Variants in KCTD6 observed in about 807,000 individuals in gnomAD.
KCTD6 encodes the protein BTB/POZ domain-containing protein KCTD6.
In KCTD6, 6 loss-of-function variants were observed where a neutral mutation model predicts 18.7. That is an observed-to-expected ratio of 0.32 (90% CI 0.18 to 0.63). The LOEUF (loss-of-function observed/expected upper bound fraction) is 0.63, where lower values mean the gene tolerates loss of function less well. KCTD6 is among the 30% of genes least tolerant of loss of function. KCTD6 has a pLI of 0.79. For missense variants in KCTD6, 165 were observed against 300.2 expected (o/e 0.55, Z 3.33); for synonymous variants, 86 against 108.5 (o/e 0.79, Z 1.29).
Position 58,501,370 on chromosome 3 carries a change from C to G in KCTD6, c.452C>G (p.Ser151Cys), listed in dbSNP as rs2063204033. ...TQLTITTKVHSLLEGISNYFT... is the reference protein window; with the variant it reads ...TQLTITTKVHCLLEGISNYFT... ...CTAACCATCACCACTAAGGTCCATT[C>G]CTTACTAGAAGGCATCTCAAATTAT... Residue 151 changes from serine to cysteine, a missense_variant, in exon 3 of 3, where the codon TCC (serine) becomes TGC (cysteine). Around this residue, in one of 2 missense-constraint regions of KCTD6, gnomAD observed 106 missense variants for 230.4 expected, o/e 0.46. Coordinates refer to ENST00000404589, the MANE Select transcript of KCTD6 (RefSeq NM_001128214.2). The surrounding 1 kb of genome is among the most constrained non-coding windows in gnomAD (Gnocchi z 9.7). 1.9e-6 allele frequency: 3 copies of G among 1,593,576 alleles called. No individual in the cohort carries two copies. The highest frequency in any genetic ancestry group is 4.5e-5 in the East Asian group (2 of 44,738).
rs1333911948 is a variant in KCTD6, at chr3:58,496,804, C to T, written c.-43-1909C>T. 6.6e-6 allele frequency among the ~76,000 whole-genome samples: 1 copy of T among 152,190 alleles called. No individual in the cohort carries two copies. The highest frequency in any genetic ancestry group is 6.5e-5 in the Admixed American group (1 of 15,288). On this transcript the variant is annotated intron_variant, in intron 1 of 2. Transcript: ENST00000404589. The surrounding 1 kb of genome is among the most constrained non-coding windows in gnomAD (Gnocchi z 5.1). ...TGTCCGCATTGCACATAGGCACCCCCTCCACTCCATAGGTGACCCACAATA... is the reference window on the plus strand; with the variant it reads ...TGTCCGCATTGCACATAGGCACCCCTTCCACTCCATAGGTGACCCACAATA...
In KCTD6 at chr3:58,496,172, TGTTTA is replaced by T. The variant is rs1327924935; in HGVS notation, c.-43-2537_-43-2533del. Reference sequence around the variant, plus strand: ...AGAATTTTTACAAACCCATTATGACTGTTTAGTTAGGCTGAGTTACTGTAAAATTT... The same window carrying T: ...AGAATTTTTACAAACCCATTATGACTGTTAGGCTGAGTTACTGTAAAATTT... On this transcript the variant is annotated intron_variant, in intron 1 of 2. Coordinates refer to ENST00000404589, the MANE Select transcript of KCTD6 (RefSeq NM_001128214.2). This position sits in a 1 kb window ranked among gnomAD's most constrained non-coding sequence, Gnocchi z 5.1. Among the ~76,000 whole-genome samples, 1 of 152,104 alleles carries T rather than the reference TGTTTA, an allele frequency of 6.6e-6. No individual in the cohort carries two copies. Among genetic ancestry groups the T allele is most frequent in the Non-Finnish European group, 1.5e-5 (1 of 68,018 alleles).
At chr3:58,499,676 C>T (rs973440376) in intron 2 of KCTD6, among the ~76,000 whole-genome samples, 2 of 150,788 alleles carry the variant, frequency 1.3e-5, no homozygotes, top group African/African-American at 4.9e-5. Context: ...GTAGCTGAGA[C>T]GATAGGTGGG....
Position 58,501,699 on chromosome 3 carries a change from T to A in KCTD6, c.*67T>A, listed in dbSNP as rs1339723012. On this transcript the variant is annotated 3_prime_UTR_variant, in exon 3 of 3. Coordinates refer to ENST00000404589, the MANE Select transcript of KCTD6 (RefSeq NM_001128214.2). This position sits in a 1 kb window ranked among gnomAD's most constrained non-coding sequence, Gnocchi z 9.7. ...AATGGAAGATACTGATTTTTTTTTT[T>A]AAATCACAGTGTGAGATATTTTTTT... The A allele has an allele frequency of 1.2e-5, 12 of 1,011,906 alleles. No homozygotes were observed. The highest frequency in any genetic ancestry group is 1.7e-5 in the African/African-American group (1 of 59,968). 62.7% of individuals were successfully genotyped at this position (1,011,906 alleles called of 1,614,324 possible). A position where few individuals can be genotyped will look rare whatever the true frequency, so the allele number is the denominator to read the frequency against.
rs952607796 is a variant in KCTD6 at position 58,498,677 on chromosome 3, A to G, written c.-43-36A>G. Reference sequence around the variant, plus strand: ...CTTTCTTCTCTATTTTCCTAGTTATATATGCTATCATATGTCTGTTTTTCT... The same window carrying G: ...CTTTCTTCTCTATTTTCCTAGTTATGTATGCTATCATATGTCTGTTTTTCT... On this transcript the variant is annotated intron_variant, in intron 1 of 2. Transcript: ENST00000404589. This position sits in a 1 kb window ranked among gnomAD's most constrained non-coding sequence, Gnocchi z 4.6. 7.5e-5 allele frequency: 78 copies of G among 1,036,424 alleles called. 1 individual carries two copies. In the Admixed American group the frequency reaches 1.4e-3, roughly 19 times the overall value. 64.2% of individuals were successfully genotyped at this position (1,036,424 alleles called of 1,614,324 possible).
At position 58,492,333 on chromosome 3, in the gene KCTD6, G is replaced by GGGCT. The variant is rs2063158626; in HGVS notation, c.-44+168_-44+171dup. On this transcript the variant is annotated intron_variant, in intron 1 of 2. Transcript: ENST00000404589. This position sits in a 1 kb window ranked among gnomAD's most constrained non-coding sequence, Gnocchi z 6.1. ...CCGCGTTGAGGGGACCGCGCGTCCC[G>GGGCT]GGCTGGCACGAGCCAGCAGCGGAGG... is the stretch of plus-strand genomic sequence containing the variant. Among the ~76,000 whole-genome samples the GGGCT allele has an allele frequency of 2.7e-5, 4 of 150,032 alleles. No individual in the cohort carries two copies. In the South Asian group the frequency reaches 6.2e-4, roughly 23 times the overall value.
At chr3:58,495,751 A>G (rs2063172545) in intron 1 of KCTD6, among the ~76,000 whole-genome samples, 1 of 152,166 alleles carries the variant, frequency 6.6e-6, no homozygotes, top group Non-Finnish European at 1.5e-5. Flanking sequence ...GGTGGTTTTT[A>G]AGAAACATGG....
rs1460743708 is a variant in KCTD6, at chr3:58,493,445, T to C, written c.-44+1276T>C. Reference sequence around the variant, plus strand: ...TGCGCTTGGATTTTGATATTTGGGGTCCATTTAAAATGGAGTACCTGTATG... The same window carrying C: ...TGCGCTTGGATTTTGATATTTGGGGCCCATTTAAAATGGAGTACCTGTATG... On this transcript the variant is annotated intron_variant, in intron 1 of 2. Coordinates refer to ENST00000404589, the MANE Select transcript of KCTD6 (RefSeq NM_001128214.2). The surrounding 1 kb of genome is among the most constrained non-coding windows in gnomAD (Gnocchi z 4.5). Among the ~76,000 whole-genome samples, 1 of 152,194 alleles carries C rather than the reference T, an allele frequency of 6.6e-6. No homozygotes were observed. The highest frequency in any genetic ancestry group is 1.5e-5 in the Non-Finnish European group (1 of 68,036).
rs2063205225 is a variant in KCTD6, at chr3:58,501,648, C to T, written c.*16C>T. ...AGACGACTGATCTCCGACCCTGCCACAGGTTCCTGGAAAGACTCTCCAGGA... is the reference window on the plus strand; with the variant it reads ...AGACGACTGATCTCCGACCCTGCCATAGGTTCCTGGAAAGACTCTCCAGGA... On this transcript the variant is annotated 3_prime_UTR_variant, in exon 3 of 3. Transcript: ENST00000404589. The surrounding 1 kb of genome is among the most constrained non-coding windows in gnomAD (Gnocchi z 9.7). The T allele has an allele frequency of 9.9e-6, 13 of 1,311,320 alleles. No homozygotes were observed. The highest frequency in any genetic ancestry group is 1.2e-5 in the Non-Finnish European group (12 of 1,020,316). 81.2% of individuals were successfully genotyped at this position (1,311,320 alleles called of 1,614,324 possible).
rs1470410618 is a variant in KCTD6, at chr3:58,496,293, T to C, written c.-43-2420T>C. Among the ~76,000 whole-genome samples, 1 of 152,254 alleles carries C rather than the reference T, an allele frequency of 6.6e-6. No individual in the cohort carries two copies. Among genetic ancestry groups the C allele is most frequent in the Non-Finnish European group, 1.5e-5 (1 of 68,044 alleles). ...TTTCAATTTCTTGTCTCTTGGATTC[T>C]GTTCTTTCAATTTCTACCCTAGGAG... is the stretch of plus-strand genomic sequence containing the variant. On this transcript the variant is annotated intron_variant, in intron 1 of 2. Coordinates refer to ENST00000404589, the MANE Select transcript of KCTD6 (RefSeq NM_001128214.2). This position sits in a 1 kb window ranked among gnomAD's most constrained non-coding sequence, Gnocchi z 5.1.
intron 2 of KCTD6, among the ~76,000 whole-genome samples, chr3:58,499,532 C>CT (rs1348282573): frequency 3.8e-5 from 5 of 132,262 alleles, no homozygotes; most frequent in African/African-American, 5.6e-5. Context: ...GTCTGCCTTT[C>CT]TTTTTTCTTT....
chr3:58,498,663 A>G lies in KCTD6; in HGVS notation c.-43-50A>G, dbSNP rs1025539914. 22 of 955,848 alleles carry G rather than the reference A, an allele frequency of 2.3e-5. No individual in the cohort carries two copies. In the Admixed American group the frequency reaches 3.1e-4, roughly 14 times the overall value. The allele number at this position is 955,848 out of a possible 1,614,324, so 59.2% of individuals were successfully genotyped here. ...TGGGTGGAAAAAGACTTTCTTCTCT[A>G]TTTTCCTAGTTATATATGCTATCAT... is the stretch of plus-strand genomic sequence containing the variant. On this transcript the variant is annotated intron_variant, in intron 1 of 2. Coordinates refer to ENST00000404589, the MANE Select transcript of KCTD6 (RefSeq NM_001128214.2). The surrounding 1 kb of genome is among the most constrained non-coding windows in gnomAD (Gnocchi z 4.6).
At position 58,501,615 on chromosome 3, in the gene KCTD6, C is replaced by T. The variant is rs2063204982; in HGVS notation, c.697C>T (p.Arg233Trp). Residue 233 changes from arginine to tryptophan, a missense_variant, in exon 3 of 3, where the codon CGG becomes TGG. Transcript: ENST00000404589. The surrounding 1 kb of genome is among the most constrained non-coding windows in gnomAD (Gnocchi z 9.7). ...CAACTGGACTTTCTGTAGGCTAGCC[C>T]GGAAGACAGACGACTGATCTCCGAC... is the stretch of plus-strand genomic sequence containing the variant. ...EHNWTFCRLA[R>W]KTDD 2.2e-6 allele frequency: 3 copies of T among 1,340,690 alleles called. No homozygotes were observed. Among genetic ancestry groups the T allele is most frequent in the Middle Eastern group, 2.0e-4 (1 of 5,022 alleles). The allele number at this position is 1,340,690 out of a possible 1,614,324, so 83.0% of individuals were successfully genotyped here.
At chr3:58,495,193 A>G (rs936823951) in intron 1 of KCTD6, among the ~76,000 whole-genome samples, 1 of 152,206 alleles carries the variant, frequency 6.6e-6, no homozygotes, top group Non-Finnish European at 1.5e-5. Context: ...TGCTTTCATC[A>G]AGTAAAATAG....
chr3:58,495,028 T>C (rs973332687), intron 1 of KCTD6, among the ~76,000 whole-genome samples: 2 of 152,174 alleles, frequency 1.3e-5, no homozygotes, highest in African/African-American at 4.8e-5. Context: ...TTTTTCAGGG[T>C]CAGAGGCTTC....
rs2107972308 is a variant in KCTD6, at chr3:58,492,830, G to A, written c.-44+661G>A. Among the ~76,000 whole-genome samples the A allele has an allele frequency of 6.6e-6, 1 of 152,268 alleles. No individual in the cohort carries two copies. Among genetic ancestry groups the A allele is most frequent in the South Asian group, 2.1e-4 (1 of 4,822 alleles). ...AGTGGTGGAGGCTGTGTCTGGGGGT[G>A]GGACGGGGAAATGAAACGTGACAGA... On this transcript the variant is annotated intron_variant, in intron 1 of 2. Coordinates refer to ENST00000404589, the MANE Select transcript of KCTD6 (RefSeq NM_001128214.2). The surrounding 1 kb of genome is among the most constrained non-coding windows in gnomAD (Gnocchi z 6.1).
chr3:58,501,061 C>G lies in KCTD6; in HGVS notation c.143C>G (p.Thr48Arg). ...LGAMFGGDFPTARDPQGNYFI... is the reference protein window; with the variant it reads ...LGAMFGGDFPRARDPQGNYFI... Reference sequence around the variant, plus strand: ...GCTATGTTTGGGGGGGACTTCCCCACAGCTCGAGACCCTCAAGGCAATTAC... The same window carrying G: ...GCTATGTTTGGGGGGGACTTCCCCAGAGCTCGAGACCCTCAAGGCAATTAC... Residue 48 changes from threonine (T) to arginine (R), a missense_variant, in exon 3 of 3, where the codon ACA becomes AGA. Transcript: ENST00000404589. The surrounding 1 kb of genome is among the most constrained non-coding windows in gnomAD (Gnocchi z 9.7). The G allele has an allele frequency of 6.2e-7, 1 of 1,614,114 alleles. No individual in the cohort carries two copies. The highest frequency in any genetic ancestry group is 8.5e-7 in the Non-Finnish European group (1 of 1,179,952).
chr3:58,494,089 G>A (rs2063165841), intron 1 of KCTD6: 1 of 152,172 alleles, frequency 6.6e-6, no homozygotes, highest in African/African-American at 2.4e-5. Flanking sequence ...TTATGATTTT[G>A]TGACTATTTG....
chr3:58,501,362 G>T lies in KCTD6; in HGVS notation c.444G>T (p.Lys148Asn). The T allele has an allele frequency of 6.3e-7, 1 of 1,597,212 alleles. No individual in the cohort carries two copies. Residue 148 changes from lysine to asparagine, a missense_variant, in exon 3 of 3, where the codon AAG becomes AAT. Around this residue, in one of 2 missense-constraint regions of KCTD6, gnomAD observed 106 missense variants for 230.4 expected, o/e 0.46. Transcript: ENST00000404589. The surrounding 1 kb of genome is among the most constrained non-coding windows in gnomAD (Gnocchi z 9.7). Reference protein sequence around the residue: ...VIITQLTITTKVHSLLEGISN... With the variant: ...VIITQLTITTNVHSLLEGISN... ...TAACGCAACTAACCATCACCACTAA[G>T]GTCCATTCCTTACTAGAAGGCATCT... is the stretch of plus-strand genomic sequence containing the variant.
Sources: gnomAD v4.1 joint callset for allele counts (sites outside exome capture counted in the v4.1 genomes callset) on GRCh38, gnomAD v4.1.1 for gene constraint, gnomAD v4.1.1 regional missense constraint, Gnocchi (gnomAD v3.1) non-coding constraint, MANE v1.5 for transcripts, NCBI Gene and HGNC (gene_info 2026-07-23, HGNC 2026-07-21) for gene names.